Variants in ARFGAP3 observed in about 807,000 individuals in gnomAD.
The protein encoded by ARFGAP3 is ARF GTPase activating protein 3.
ARFGAP3 carries 72 observed loss-of-function variants against 75.0 expected under a neutral mutation model. The observed-to-expected ratio is 0.96, with a 90% CI of 0.79 to 1.17. ARFGAP3 has a LOEUF of 1.17. Ranked by LOEUF, ARFGAP3 falls within the 50% of genes most tolerant of loss-of-function variation. ARFGAP3 has a pLI of 0.00. For synonymous variants in ARFGAP3, 221 were observed against 217.9 expected, an observed-to-expected ratio of 1.01 and a Z score of -0.13; for missense variants, 620 against 626.6, an observed-to-expected ratio of 0.99 and a Z score of 0.11.
chr22:42,843,086 A>C, intron 2 of ARFGAP3, among the ~76,000 whole-genome samples: 2 of 150,150 alleles, frequency 1.3e-5, no homozygotes, highest in Non-Finnish European at 1.5e-5. Flanking sequence ...CCTCCCCCCG[A>C]CCCCCCAACC....
At position 42,847,648 on chromosome 22, in the gene ARFGAP3, A is replaced by T; in HGVS notation, c.70-16T>A. ...CAAAACACACCTGAAAAAAAATGTT[A>T]AATTCAGTTACTAATTTATGTTAGC... is the stretch of plus-strand genomic sequence containing the variant. On this transcript the variant is annotated splice_polypyrimidine_tract_variant and intron_variant, in intron 1 of 15. Coordinates refer to ENST00000263245, the MANE Select transcript of ARFGAP3 (RefSeq NM_014570.5). 1.2e-6 allele frequency: 2 copies of T among 1,608,098 alleles called. No homozygotes were observed. The highest frequency in any genetic ancestry group is 1.7e-6 in the Non-Finnish European group (2 of 1,176,908).
chr22:42,850,517 G>A (rs181101337), intron 1 of ARFGAP3, among the ~76,000 whole-genome samples: 1 of 136,248 alleles, frequency 7.3e-6, no homozygotes, highest in Admixed American at 8.5e-5. Context: ...AGGATGCAAT[G>A]AGCGGAGACC....
intron 13 of ARFGAP3, 111 bp from the exon 14 acceptor site, chr22:42,807,274 C>A (rs1056948801): frequency 1.4e-6 from 2 of 1,462,724 alleles, no homozygotes; most frequent in Admixed American, 2.5e-5. Flanking sequence ...CAGGCTCTTT[C>A]TTTCCAACAG....
At chr22:42,813,181 A>C (rs1925442402) in intron 11 of ARFGAP3, among the ~76,000 whole-genome samples, 1 of 152,252 alleles carries the variant, frequency 6.6e-6, no homozygotes, top group South Asian at 2.1e-4. Context: ...ACAAAGGGCA[A>C]GAAGACACAT....
intron 14 of ARFGAP3, among the ~76,000 whole-genome samples, chr22:42,803,430 T>A (rs1207301791): frequency 1.3e-5 from 2 of 152,158 alleles, no homozygotes; most frequent in Non-Finnish European, 2.9e-5. Context: ...AAGGAAGGGG[T>A]GCAGGTGTCT....
At chr22:42,849,709 T>A (rs891821177) in intron 1 of ARFGAP3, among the ~76,000 whole-genome samples, 4 of 151,992 alleles carry the variant, frequency 2.6e-5, no homozygotes, top group Non-Finnish European at 5.9e-5. Context: ...GACAAGTGTA[T>A]GCCACCGTGC....
chr22:42,799,484 T>G (rs533136209), intron 14 of ARFGAP3, among the ~76,000 whole-genome samples: 1 of 152,226 alleles, frequency 6.6e-6, no homozygotes, highest in Non-Finnish European at 1.5e-5. Flanking sequence ...GTGCTTAACA[T>G]AGCCCTGGCA....
chr22:42,798,971 A>G, intron 15 of ARFGAP3, 68 bp downstream of exon 15: 1 of 1,299,182 alleles, frequency 7.7e-7, no homozygotes, highest in Non-Finnish European at 1.1e-6. Context: ...TGAAGATTGA[A>G]GCAGGTCTCA....
chr22:42,818,818 C>CTTTTTTTTTTTTTTTTTT (rs1925688701), intron 9 of ARFGAP3, among the ~76,000 whole-genome samples: 1 of 145,386 alleles, frequency 6.9e-6, no homozygotes, highest in African/African-American at 2.5e-5. Context: ...AACAGAATTT[C>CTTTTTTTTTTTTTTTTTT]TTTCTGTTTT....
At chr22:42,821,136 G>C (rs1925794560) in intron 9 of ARFGAP3, among the ~76,000 whole-genome samples, 1 of 152,040 alleles carries the variant, frequency 6.6e-6, no homozygotes, top group Non-Finnish European at 1.5e-5. Flanking sequence ...AGAACCTCTG[G>C]AGACACGACC....
intron 2 of ARFGAP3, among the ~76,000 whole-genome samples, chr22:42,843,080 C>T (rs1926856862): frequency 6.6e-6 from 1 of 151,938 alleles, no homozygotes; most frequent in Admixed American, 6.6e-5. Flanking sequence ...GATTTGCCTC[C>T]CCCCGACCCC....
intron 1 of ARFGAP3, among the ~76,000 whole-genome samples, chr22:42,851,777 A>G (rs1927286560): frequency 1.3e-5 from 2 of 152,268 alleles, no homozygotes; most frequent in African/African-American, 4.8e-5. Flanking sequence ...ATGAGCAAGA[A>G]ATAGCTTTTG....
At chr22:42,847,452 G>T in intron 2 of ARFGAP3, 62 bp downstream of exon 2, 1 of 1,438,292 alleles carries the variant, frequency 7.0e-7, no homozygotes, top group South Asian at 1.2e-5. Context: ...AAGAAAAAAG[G>T]GAAAAAAACA....
chr22:42,832,876 T>C (rs1018048296), intron 5 of ARFGAP3, among the ~76,000 whole-genome samples: 1 of 151,888 alleles, frequency 6.6e-6, no homozygotes, highest in African/African-American at 2.4e-5. Context: ...TCCCAGCTAG[T>C]TGGGAGGCTG....
intron 3 of ARFGAP3, 88 bp from the exon 4 acceptor site, chr22:42,835,581 G>A: frequency 6.7e-7 from 1 of 1,484,598 alleles, no homozygotes; most frequent in Non-Finnish European, 9.2e-7. Flanking sequence ...CAGCACTCTG[G>A]GAGGCCGAGG....
rs549607840 is a variant in ARFGAP3 at position 42,818,524 on chromosome 22, A to G, written c.813-667T>C. On this transcript the variant is annotated intron_variant, in intron 9 of 15. Coordinates refer to ENST00000263245, the MANE Select transcript of ARFGAP3 (RefSeq NM_014570.5). ...GGACACCAAAGGGGTAAAAAGGTGTACAAAACATTGTCCTTGCTCTCAGAT... is the reference window on the plus strand; with the variant it reads ...GGACACCAAAGGGGTAAAAAGGTGTGCAAAACATTGTCCTTGCTCTCAGAT... Among the ~76,000 whole-genome samples, 12 of 152,340 alleles carry G rather than the reference A, an allele frequency of 7.9e-5. No individual in the cohort carries two copies. The East Asian group carries it at 2.3e-3, about 29-fold the overall frequency.
At chr22:42,847,365 G>A (rs1927067696) in intron 2 of ARFGAP3, 149 bp downstream of exon 2, 1 of 642,780 alleles carries the variant, frequency 1.6e-6, no homozygotes, top group African/African-American at 1.9e-5. Flanking sequence ...GAGTTCACTT[G>A]AGCCCAGTGA....
At chr22:42,815,985 A>G (rs1925562705) in intron 11 of ARFGAP3, among the ~76,000 whole-genome samples, 1 of 152,154 alleles carries the variant, frequency 6.6e-6, no homozygotes, top group South Asian at 2.1e-4. Flanking sequence ...ATGGTGGCAC[A>G]CGCCTGTAGT....
intron 11 of ARFGAP3, among the ~76,000 whole-genome samples, chr22:42,812,800 C>A (rs987882271): frequency 1.3e-5 from 2 of 152,230 alleles, no homozygotes; most frequent in Non-Finnish European, 2.9e-5. Flanking sequence ...AAGAACAAAT[C>A]TCATGACACT....
Sources: allele counts gnomAD v4.1 joint callset (sites outside exome capture counted in the v4.1 genomes callset), GRCh38; gene constraint gnomAD v4.1.1; transcripts MANE v1.5; gene names NCBI Gene and HGNC (gene_info 2026-07-23, HGNC 2026-07-21).